Variants in GUCY1A2 observed in about 807,000 individuals in gnomAD.
GUCY1A2 encodes guanylate cyclase 1 soluble subunit alpha 2, also known as guanylate cyclase soluble subunit alpha-2.
GUCY1A2 carries 27 observed loss-of-function variants against 63.5 expected under a neutral mutation model. The observed-to-expected ratio is 0.43, with a 90% CI of 0.31 to 0.59. The LOEUF is 0.59. Among genes scored for constraint, GUCY1A2 ranks in the 20% least tolerant of loss-of-function variants. The pLI is 0.11. For synonymous variants in GUCY1A2, 364 were observed against 343.5 expected (o/e 1.06, Z -0.66); for missense variants, 768 against 913.3 (o/e 0.84, Z 2.05).
intron 3 of GUCY1A2, among the ~76,000 whole-genome samples, chr11:106,950,367 T>C (rs932125231): frequency 2.0e-5 from 3 of 152,104 alleles, no homozygotes; most frequent in Non-Finnish European, 2.9e-5. Context: ...AGCAGTAAGG[T>C]GCAGAGTCAA....
At chr11:106,689,559 G>A (rs924337085) in intron 7 of GUCY1A2, among the ~76,000 whole-genome samples, 4 of 152,170 alleles carry the variant, frequency 2.6e-5, no homozygotes, top group African/African-American at 9.6e-5. Flanking sequence ...CAGAGGACAT[G>A]AACAGGCATT....
chr11:106,972,774 G>A (rs1861212600), intron 3 of GUCY1A2, among the ~76,000 whole-genome samples: 1 of 152,008 alleles, frequency 6.6e-6, no homozygotes. Flanking sequence ...TTCAATCAAT[G>A]AATGGATAAG....
At chr11:106,706,230 T>C (rs1032808909) in intron 7 of GUCY1A2, among the ~76,000 whole-genome samples, 9 of 152,280 alleles carry the variant, frequency 5.9e-5, no homozygotes, top group African/African-American at 2.2e-4. Context: ...TTCTACAGAA[T>C]GTAATTCAGG....
At chr11:106,967,903 C>T (rs1401029324) in intron 3 of GUCY1A2, among the ~76,000 whole-genome samples, 1 of 152,110 alleles carries the variant, frequency 6.6e-6, no homozygotes, top group Non-Finnish European at 1.5e-5. Flanking sequence ...AGCACCAGTT[C>T]CTGTGTGGGA....
At chr11:106,831,810 A>G (rs941937174) in intron 4 of GUCY1A2, among the ~76,000 whole-genome samples, 7 of 152,168 alleles carry the variant, frequency 4.6e-5, no homozygotes, top group Non-Finnish European at 1.0e-4. Context: ...TGTTTGTTAT[A>G]GCAGCTAGCA....
intron 4 of GUCY1A2, among the ~76,000 whole-genome samples, chr11:106,885,235 T>C (rs1443793792): frequency 6.6e-6 from 1 of 152,216 alleles, no homozygotes; most frequent in African/African-American, 2.4e-5. Flanking sequence ...TCTCTGATTA[T>C]TTTGTACAAT....
intron 6 of GUCY1A2, among the ~76,000 whole-genome samples, chr11:106,757,515 G>A (rs550603332): frequency 6.6e-6 from 1 of 152,246 alleles, no homozygotes; most frequent in East Asian, 1.9e-4. Flanking sequence ...TGATATTGGT[G>A]ACTATGGATG....
chr11:106,752,532 C>A (rs192596172), intron 6 of GUCY1A2, among the ~76,000 whole-genome samples: 26 of 152,010 alleles, frequency 1.7e-4, no homozygotes, highest in Non-Finnish European at 3.5e-4. Context: ...CCCCAGCAGG[C>A]CCTGGTGTGT....
At chr11:106,703,918 CATGTGATTAATTGAATTAATT>C (rs940475240) in intron 7 of GUCY1A2, among the ~76,000 whole-genome samples, 2 of 151,782 alleles carry the variant, frequency 1.3e-5, no homozygotes, top group African/African-American at 4.8e-5. Flanking sequence ...TTCAATTAAT[CATGTGATTAATTGAATTAATT>C]ATGTACCTTA....
chr11:106,827,300 C>A (rs959625888), intron 4 of GUCY1A2: 66 of 1,556,542 alleles, frequency 4.2e-5, no homozygotes, highest in Non-Finnish European at 5.2e-5. Flanking sequence ...GATTTTTCAG[C>A]AATGAGCTTT....
At chr11:107,017,445 CTGGGGCTG>C (rs1224707475) in intron 1 of GUCY1A2, among the ~76,000 whole-genome samples, 1 of 152,156 alleles carries the variant, frequency 6.6e-6, no homozygotes, top group Non-Finnish European at 1.5e-5. Flanking sequence ...TGAAGCAGCA[CTGGGGCTG>C]TCCAGGGGGA....
chr11:106,812,389 T>A (rs190909464), intron 4 of GUCY1A2, among the ~76,000 whole-genome samples: 34 of 151,816 alleles, frequency 2.2e-4, no homozygotes, highest in African/African-American at 8.2e-4. Context: ...GAGTTACACT[T>A]TTTTCACCCT....
At chr11:106,837,581 C>T (rs1419691973) in intron 4 of GUCY1A2, among the ~76,000 whole-genome samples, 1 of 151,982 alleles carries the variant, frequency 6.6e-6, no homozygotes, top group Non-Finnish European at 1.5e-5. Flanking sequence ...CTGCTTTCCA[C>T]ATAACTAACT....
chr11:106,802,881 G>T (rs1488718080), intron 5 of GUCY1A2, among the ~76,000 whole-genome samples: 7 of 152,164 alleles, frequency 4.6e-5, no homozygotes, highest in African/African-American at 1.7e-4. Context: ...ATTAAGTAGG[G>T]CTTCAACTAT....
intron 6 of GUCY1A2, among the ~76,000 whole-genome samples, chr11:106,742,342 C>T (rs1863709387): frequency 6.6e-6 from 1 of 152,210 alleles, no homozygotes; most frequent in Non-Finnish European, 1.5e-5. Flanking sequence ...CCTCATTCCA[C>T]TCACTACCCA....
intron 1 of GUCY1A2, among the ~76,000 whole-genome samples, chr11:107,007,421 C>T (rs1861685282): frequency 6.6e-6 from 1 of 152,152 alleles, no homozygotes; most frequent in African/African-American, 2.4e-5. Flanking sequence ...GCAGCTTTCC[C>T]CGTTTGGACA....
intron 6 of GUCY1A2, among the ~76,000 whole-genome samples, chr11:106,774,851 T>A (rs1402600888): frequency 1.3e-5 from 2 of 152,216 alleles, no homozygotes; most frequent in Non-Finnish European, 2.9e-5. Context: ...TTGTTCTCTC[T>A]TCTTTTCTTA....
intron 4 of GUCY1A2, among the ~76,000 whole-genome samples, chr11:106,931,645 T>C (rs1860604092): frequency 6.6e-6 from 1 of 152,202 alleles, no homozygotes. Context: ...AATAGAATAC[T>C]GTTCATCAGG....
At chr11:106,777,364 T>C (rs1459505800) in intron 5 of GUCY1A2, among the ~76,000 whole-genome samples, 2 of 151,042 alleles carry the variant, frequency 1.3e-5, no homozygotes, top group African/African-American at 4.9e-5. Flanking sequence ...GGAGAATCGC[T>C]TGAACCCAGT....
Sources: gnomAD v4.1 joint callset for allele counts (sites outside exome capture counted in the v4.1 genomes callset) on GRCh38, gnomAD v4.1.1 for gene constraint, MANE v1.5 for transcripts, NCBI Gene and HGNC (gene_info 2026-07-23, HGNC 2026-07-21) for gene names.